Variants in PTK2 observed in about 807,000 individuals in gnomAD.
PTK2 encodes the protein focal adhesion kinase 1.
A neutral mutation model predicts 150.1 loss-of-function variants in PTK2; 45 were observed. That is an observed-to-expected ratio of 0.30 (90% confidence interval 0.24 to 0.38). The LOEUF (loss-of-function observed/expected upper bound fraction) is 0.38, where lower values mean the gene tolerates loss of function less well. PTK2 is among the 10% of genes least tolerant of loss of function. PTK2 has a pLI of 1.00. For missense variants in PTK2, 919 were observed against 1,307.3 expected (o/e 0.70, Z 4.58); for synonymous variants, 432 against 449.2 (o/e 0.96, Z 0.48).
intron 1 of PTK2, among the ~76,000 whole-genome samples, chr8:140,999,572 G>A (rs1184762772): frequency 6.6e-6 from 1 of 152,190 alleles, no homozygotes; most frequent in Non-Finnish European, 1.5e-5. Flanking sequence ...ATAACTGGAT[G>A]AAAATATTAT....
chr8:140,902,946 T>TTG (rs2100159306), intron 2 of PTK2, among the ~76,000 whole-genome samples: 2 of 143,206 alleles, frequency 1.4e-5, no homozygotes, highest in African/African-American at 5.1e-5. Context: ...TTTTTTTTTT[T>TTG]TTTTTTTTTT....
chr8:140,663,950 A>G (rs2085155947), intron 31 of PTK2, among the ~76,000 whole-genome samples: 2 of 152,112 alleles, frequency 1.3e-5, no homozygotes, highest in Admixed American at 6.6e-5. Context: ...CACCACACTC[A>G]GCCCTTAAGA....
intron 6 of PTK2, 63 bp from the exon 7 acceptor site, chr8:140,846,385 T>C: frequency 6.6e-7 from 1 of 1,520,820 alleles, no homozygotes; most frequent in South Asian, 1.2e-5. Flanking sequence ...TGTTAAGTGA[T>C]AAAAACTGGG....
intron 23 of PTK2, among the ~76,000 whole-genome samples, 190 bp downstream of exon 26, chr8:140,717,408 T>C (rs1435611736): frequency 6.6e-6 from 1 of 152,024 alleles, no homozygotes; most frequent in Non-Finnish European, 1.5e-5. Context: ...GAAATACAAA[T>C]GAGGAAAGTG....
chr8:140,838,290 G>C (rs1325662148), intron 7 of PTK2, among the ~76,000 whole-genome samples: 1 of 152,002 alleles, frequency 6.6e-6, no homozygotes, highest in Non-Finnish European at 1.5e-5. Flanking sequence ...TTTCTAAATG[G>C]CTCCAAGTTA....
At chr8:140,838,358 G>C (rs990011306) in intron 7 of PTK2, among the ~76,000 whole-genome samples, 2 of 152,182 alleles carry the variant, frequency 1.3e-5, no homozygotes, top group African/African-American at 4.8e-5. Flanking sequence ...GAGCTGCTGG[G>C]GTTCCCAGTT....
intron 2 of PTK2, among the ~76,000 whole-genome samples, chr8:140,917,156 C>A (rs974583059): frequency 6.6e-6 from 1 of 152,008 alleles, no homozygotes; most frequent in African/African-American, 2.4e-5. Flanking sequence ...TTTGGGAGGC[C>A]GAGGTGGGTG....
intron 1 of PTK2, among the ~76,000 whole-genome samples, chr8:140,943,899 T>G (rs988964796): frequency 2.5e-4 from 38 of 152,226 alleles, no homozygotes; most frequent in African/African-American, 9.2e-4. Flanking sequence ...GTCCAAATCT[T>G]TTGGCCACTT....
At chr8:140,963,382 T>A (rs1248616075) in intron 1 of PTK2, among the ~76,000 whole-genome samples, 2 of 152,094 alleles carry the variant, frequency 1.3e-5, no homozygotes, top group African/African-American at 4.8e-5. Flanking sequence ...AGAATCAAAT[T>A]CAGGTGTCTG....
At chr8:140,866,569 A>C (rs1417135628) in intron 4 of PTK2, among the ~76,000 whole-genome samples, 1 of 152,356 alleles carries the variant, frequency 6.6e-6, no homozygotes, top group East Asian at 1.9e-4. Flanking sequence ...TTTCCTTATA[A>C]GGATGTTACA....
At chr8:140,938,419 T>C (rs2100174457) in intron 1 of PTK2, among the ~76,000 whole-genome samples, 1 of 152,186 alleles carries the variant, frequency 6.6e-6, no homozygotes, top group Non-Finnish European at 1.5e-5. Context: ...TTAATCCCCT[T>C]GCTGCAGACA....
intron 26 of PTK2, among the ~76,000 whole-genome samples, chr8:140,699,667 G>C (rs569743038): frequency 6.6e-6 from 1 of 152,318 alleles, no homozygotes; most frequent in East Asian, 1.9e-4. Flanking sequence ...ATGGAAGCAG[G>C]AGTTGTTTCT....
chr8:140,832,799 G>A (rs899991596), intron 7 of PTK2: 36 of 518,214 alleles, frequency 6.9e-5, no homozygotes, highest in Admixed American at 2.9e-4. Context: ...AGACATGTGA[G>A]GGCCTAAAAC....
intron 13 of PTK2, among the ~76,000 whole-genome samples, chr8:140,793,040 G>C (rs2100089429): frequency 6.6e-6 from 1 of 152,264 alleles, no homozygotes. Flanking sequence ...AAAATAGCCA[G>C]AATGCCACAT....
intron 22 of PTK2, among the ~76,000 whole-genome samples, chr8:140,731,330 A>G (rs1413740881): frequency 6.6e-6 from 1 of 152,188 alleles, no homozygotes; most frequent in African/African-American, 2.4e-5. Flanking sequence ...CAAAAATGCT[A>G]GAGTACGCAT....
chr8:140,690,385 T>C (rs1404902612), intron 26 of PTK2, among the ~76,000 whole-genome samples: 1 of 151,368 alleles, frequency 6.6e-6, no homozygotes, highest in East Asian at 2.0e-4. Flanking sequence ...CCTCAGTTTC[T>C]GGAGTAGCTG....
intron 2 of PTK2, among the ~76,000 whole-genome samples, chr8:140,900,168 G>T (rs1250717173): frequency 6.6e-6 from 1 of 152,162 alleles, no homozygotes; most frequent in African/African-American, 2.4e-5. Context: ...TAGTTTCGTT[G>T]ACAGATGACA....
intron 2 of PTK2, among the ~76,000 whole-genome samples, chr8:140,906,184 T>C (rs998377477): frequency 1.3e-5 from 2 of 152,070 alleles, no homozygotes; most frequent in Non-Finnish European, 1.5e-5. Flanking sequence ...TCACCTCAGT[T>C]GTAATACCTA....
At chr8:140,682,553 A>C (rs1227657720) in intron 27 of PTK2, among the ~76,000 whole-genome samples, 1 of 152,048 alleles carries the variant, frequency 6.6e-6, no homozygotes, top group Non-Finnish European at 1.5e-5. Flanking sequence ...AAACAACAGA[A>C]TATAAATGCT....
Sources: gnomAD v4.1 joint callset for allele counts (sites outside exome capture counted in the v4.1 genomes callset) on GRCh38, gnomAD v4.1.1 for gene constraint, MANE v1.5 for transcripts, NCBI Gene and HGNC (gene_info 2026-07-23, HGNC 2026-07-21) for gene names.